The following TAX1BP1 variants were observed in gnomAD, a reference collection of about 807,000 sequenced individuals.
The protein encoded by TAX1BP1 is tax1-binding protein 1.
Under a neutral mutation model 97.7 loss-of-function variants are expected in TAX1BP1, and 62 were observed. That is an observed-to-expected ratio of 0.63 (90% CI 0.52 to 0.78). The LOEUF (loss-of-function observed/expected upper bound fraction) is 0.78, where lower values mean the gene tolerates loss of function less well. TAX1BP1 is among the 30% of genes least tolerant of loss of function. The pLI is 0.00. For synonymous variants in TAX1BP1, 340 were observed against 304.2 expected (o/e 1.12, Z -1.23); for missense variants, 867 against 916.1 (o/e 0.95, Z 0.69).
intron 7 of TAX1BP1, among the ~76,000 whole-genome samples, 178 bp downstream of exon 7, chr7:27,785,667 G>A (rs182859498): frequency 1.1e-4 from 16 of 152,258 alleles, no homozygotes; most frequent in Admixed American, 5.2e-4. Flanking sequence ...GCTTGATTGG[G>A]ACTGGAGGGT....
intron 15 of TAX1BP1, 143 bp from the exon 16 acceptor site, chr7:27,827,595 T>C: frequency 3.2e-6 from 2 of 625,736 alleles, no homozygotes; most frequent in East Asian, 5.5e-5. Context: ...CATGTTTATT[T>C]GAAAGTCTAA....
intron 3 of TAX1BP1, among the ~76,000 whole-genome samples, chr7:27,764,942 CT>C (rs1217766600): frequency 1.1e-5 from 1 of 92,140 alleles, no homozygotes; most frequent in Non-Finnish European, 2.3e-5. Flanking sequence ...TTTTTGTGGA[CT>C]GCTACTTTGC....
chr7:27,785,383 A>G lies in TAX1BP1; in HGVS notation c.762-16A>G, dbSNP rs1789439865. 1.9e-6 allele frequency: 3 copies of G among 1,602,904 alleles called. No homozygotes were observed. The highest frequency in any genetic ancestry group is 2.6e-6 in the Non-Finnish European group (3 of 1,175,718). On this transcript the variant is annotated splice_polypyrimidine_tract_variant and intron_variant, in intron 6 of 16. Transcript: ENST00000396319. ...CTTTAAAACATTATAATGTTACTTTATCATACCTATCTTAGTTTAAAGGAC... is the reference window on the plus strand; with the variant it reads ...CTTTAAAACATTATAATGTTACTTTGTCATACCTATCTTAGTTTAAAGGAC...
At chr7:27,810,410 G>A (rs1790512468) in intron 13 of TAX1BP1, among the ~76,000 whole-genome samples, 1 of 152,070 alleles carries the variant, frequency 6.6e-6, no homozygotes, top group Non-Finnish European at 1.5e-5. Context: ...GCTTAGAAAA[G>A]GTAAATTCTT....
intron 12 of TAX1BP1, among the ~76,000 whole-genome samples, chr7:27,798,928 T>A (rs1220979989): frequency 6.6e-6 from 1 of 151,790 alleles, no homozygotes; most frequent in East Asian, 1.9e-4. Context: ...TTTTGTCTGA[T>A]ATATGTAAGG....
intron 15 of TAX1BP1, 69 bp from the exon 16 acceptor site, chr7:27,827,669 T>C: frequency 1.5e-6 from 2 of 1,311,398 alleles, no homozygotes; most frequent in Non-Finnish European, 2.2e-6. Context: ...CAGTATGTGC[T>C]TGATTGAATT....
At position 27,828,843 on chromosome 7, in the gene TAX1BP1, T is replaced by C. The variant is rs190937938; in HGVS notation, c.*14T>C. 1.9e-6 allele frequency: 3 copies of C among 1,560,444 alleles called. No homozygotes were observed. The highest frequency in any genetic ancestry group is 2.8e-5 in the African/African-American group (2 of 72,022). On this transcript the variant is annotated 3_prime_UTR_variant, in exon 17 of 17. Transcript: ENST00000396319. ...AATTTTGACTAGTTACTTTTTATTA[T>C]GAGTTAATATAGTTTAGCAGTAAAA...
intron 10 of TAX1BP1, 26 bp downstream of exon 10, chr7:27,793,238 G>A (rs1379373001): frequency 1.3e-6 from 2 of 1,521,102 alleles, no homozygotes; most frequent in Non-Finnish European, 8.8e-7. Flanking sequence ...TTTACACATA[G>A]TAAAATGTGT....
intron 13 of TAX1BP1, among the ~76,000 whole-genome samples, chr7:27,803,964 A>C (rs1790237881): frequency 6.6e-6 from 1 of 152,230 alleles, no homozygotes; most frequent in Non-Finnish European, 1.5e-5. Flanking sequence ...ATATTTTCTC[A>C]AAGTGAAATG....
At chr7:27,810,425 G>T (rs1484889023) in intron 13 of TAX1BP1, among the ~76,000 whole-genome samples, 1 of 152,080 alleles carries the variant, frequency 6.6e-6, no homozygotes, top group African/African-American at 2.4e-5. Flanking sequence ...ATTCTTTAGG[G>T]TTATTAGTGC....
intron 13 of TAX1BP1, among the ~76,000 whole-genome samples, chr7:27,815,586 C>G (rs1412747614): frequency 1.3e-5 from 2 of 152,058 alleles, no homozygotes; most frequent in Admixed American, 1.3e-4. Context: ...GATAAGGTCT[C>G]TAGTTTTTTT....
At chr7:27,765,697 C>G in intron 3 of TAX1BP1, 137 bp from the exon 4 acceptor site, 5 of 740,886 alleles carry the variant, frequency 6.7e-6, no homozygotes, top group Non-Finnish European at 1.1e-5. Flanking sequence ...TGATAATTTG[C>G]GAAAGGAGGA....
intron 2 of TAX1BP1, among the ~76,000 whole-genome samples, chr7:27,755,393 A>ATTTC (rs1225868047): frequency 6.6e-6 from 1 of 151,644 alleles, no homozygotes; most frequent in African/African-American, 2.4e-5. Context: ...CCTCTTCTCT[A>ATTTC]TTTCTTTCTT....
chr7:27,766,765 T>C (rs1162635825), intron 4 of TAX1BP1, among the ~76,000 whole-genome samples: 3 of 152,324 alleles, frequency 2.0e-5, no homozygotes, highest in East Asian at 3.9e-4. Flanking sequence ...TAAATCTAAC[T>C]GTAATTGGAT....
chr7:27,750,224 C>A (rs1787972982), intron 2 of TAX1BP1, among the ~76,000 whole-genome samples: 1 of 152,106 alleles, frequency 6.6e-6, no homozygotes, highest in Non-Finnish European at 1.5e-5. Flanking sequence ...AAGGGCATTT[C>A]CAGCAGGAAA....
chr7:27,744,772 T>C (rs73295507), intron 1 of TAX1BP1, among the ~76,000 whole-genome samples: 2,494 of 152,170 alleles, frequency 0.016, 50 homozygotes, highest in African/African-American at 0.05. Context: ...AATGCTTCCC[T>C]GCCCCCACCC....
intron 15 of TAX1BP1, among the ~76,000 whole-genome samples, chr7:27,824,067 C>T (rs1294443101): frequency 1.3e-5 from 2 of 152,096 alleles, no homozygotes; most frequent in African/African-American, 4.8e-5. Context: ...AATAATGCTG[C>T]TATGAACATG....
chr7:27,776,011 C>T lies in TAX1BP1; in HGVS notation c.612+6177C>T, dbSNP rs187488398. On this transcript the variant is annotated intron_variant, in intron 5 of 16. Coordinates refer to ENST00000396319, the MANE Select transcript of TAX1BP1 (RefSeq NM_006024.7). ...TGTCTGTTCGTCTGTCTGTCTTTCT[C>T]TCTCTCCCCAGCTGTTTGCTTATCT... Among the ~76,000 whole-genome samples the T allele has an allele frequency of 2.6e-5, 3 of 117,314 alleles. No individual in the cohort carries two copies. In the East Asian group the frequency reaches 7.7e-4, roughly 30 times the overall value. 77.0% of individuals were successfully genotyped at this position (117,314 alleles called of 152,430 possible). A position where few individuals can be genotyped will look rare whatever the true frequency, so the allele number is the denominator to read the frequency against.
chr7:27,796,989 T>G (rs1004125929), intron 12 of TAX1BP1, among the ~76,000 whole-genome samples: 1 of 151,014 alleles, frequency 6.6e-6, no homozygotes, highest in Admixed American at 6.6e-5. Flanking sequence ...ATTTTGATTA[T>G]TATTATTTTA....
Sources: gnomAD v4.1 joint callset for allele counts (sites outside exome capture counted in the v4.1 genomes callset) on GRCh38, gnomAD v4.1.1 for gene constraint, MANE v1.5 for transcripts, NCBI Gene and HGNC (gene_info 2026-07-23, HGNC 2026-07-21) for gene names.